Variants in DNAJC1 observed in about 807,000 individuals in gnomAD.
DNAJC1 encodes DnaJ heat shock protein family (Hsp40) member C1.
Under a neutral mutation model 76.6 loss-of-function variants are expected in DNAJC1, and 58 were observed. The observed-to-expected ratio is 0.76, with a 90% CI of 0.61 to 0.94. DNAJC1 has a LOEUF of 0.94. Among genes scored for constraint, DNAJC1 ranks in the 40% least tolerant of loss-of-function variants. DNAJC1 has a pLI of 0.00. For synonymous variants in DNAJC1, 258 were observed against 267.9 expected, an observed-to-expected ratio of 0.96 and a Z score of 0.36; for missense variants, 689 against 677.3, an observed-to-expected ratio of 1.02 and a Z score of -0.19.
intron 1 of DNAJC1, among the ~76,000 whole-genome samples, chr10:21,951,988 G>T (rs1837604488): frequency 6.6e-6 from 1 of 152,182 alleles, no homozygotes; most frequent in Non-Finnish European, 1.5e-5. Context: ...TGTTACTACT[G>T]AGGTGATTAG....
chr10:21,873,478 GA>G (rs1184700026), intron 8 of DNAJC1, among the ~76,000 whole-genome samples: 3 of 151,726 alleles, frequency 2.0e-5, no homozygotes, highest in African/African-American at 4.8e-5. Context: ...CAAAAGTGGT[GA>G]AAAAAAATTC....
At chr10:21,910,950 A>G in intron 6 of DNAJC1, among the ~76,000 whole-genome samples, 1 of 148,082 alleles carries the variant, frequency 6.8e-6, no homozygotes, top group African/African-American at 2.5e-5. Context: ...AGAGACAAAG[A>G]AGAGAGAGAG....
chr10:21,777,824 T>C (rs1318447663), intron 9 of DNAJC1, among the ~76,000 whole-genome samples: 2 of 152,238 alleles, frequency 1.3e-5, no homozygotes, highest in African/African-American at 4.8e-5. Flanking sequence ...TACAATTGCA[T>C]AATGGTTCAC....
chr10:21,857,003 T>A (rs1835845692), intron 8 of DNAJC1, among the ~76,000 whole-genome samples: 1 of 152,142 alleles, frequency 6.6e-6, no homozygotes, highest in African/African-American at 2.4e-5. Context: ...CCCAAAGTGC[T>A]AGGATTACAG....
chr10:21,848,536 A>C (rs916511323), intron 8 of DNAJC1, among the ~76,000 whole-genome samples: 2 of 152,154 alleles, frequency 1.3e-5, no homozygotes, highest in African/African-American at 2.4e-5. Flanking sequence ...GTCCTGAAGT[A>C]TTTCCCCAAT....
At chr10:21,798,016 C>A (rs1053049060) in intron 9 of DNAJC1, among the ~76,000 whole-genome samples, 1 of 152,164 alleles carries the variant, frequency 6.6e-6, no homozygotes, top group Non-Finnish European at 1.5e-5. Flanking sequence ...CAAGGTCATG[C>A]ATGTACATAG....
At chr10:21,810,579 T>C (rs1013003530) in intron 8 of DNAJC1, among the ~76,000 whole-genome samples, 10 of 152,172 alleles carry the variant, frequency 6.6e-5, no homozygotes, top group African/African-American at 1.9e-4. Context: ...CACTAACAAA[T>C]TGCCTTTTTA....
intron 9 of DNAJC1, among the ~76,000 whole-genome samples, chr10:21,793,254 T>C (rs935697599): frequency 2.0e-4 from 30 of 152,134 alleles, no homozygotes; most frequent in African/African-American, 6.8e-4. Context: ...TGCAGTGAGC[T>C]GAGATTGTGC....
At chr10:21,860,269 T>C (rs1269761060) in intron 8 of DNAJC1, among the ~76,000 whole-genome samples, 1 of 152,044 alleles carries the variant, frequency 6.6e-6, no homozygotes, top group Non-Finnish European at 1.5e-5. Context: ...TTTGAGTTTA[T>C]AAAATGTTTT....
At chr10:21,914,432 G>T (rs925858613) in intron 6 of DNAJC1, among the ~76,000 whole-genome samples, 6 of 152,096 alleles carry the variant, frequency 3.9e-5, no homozygotes, top group Admixed American at 6.6e-5. Flanking sequence ...TTTATTTTCT[G>T]CTGATTTCAC....
chr10:21,841,800 A>G (rs34392809), intron 8 of DNAJC1, among the ~76,000 whole-genome samples: 1 of 152,150 alleles, frequency 6.6e-6, no homozygotes, highest in Non-Finnish European at 1.5e-5. Context: ...AGACACACGT[A>G]TGTTTATAGC....
chr10:21,993,593 A>G (rs1272126207), intron 1 of DNAJC1, among the ~76,000 whole-genome samples: 1 of 152,186 alleles, frequency 6.6e-6, no homozygotes, highest in Non-Finnish European at 1.5e-5. Context: ...GAAGGCCACA[A>G]GATGGAGATA....
intron 9 of DNAJC1, among the ~76,000 whole-genome samples, chr10:21,793,204 G>A (rs1052261657): frequency 2.0e-5 from 3 of 152,112 alleles, no homozygotes; most frequent in African/African-American, 7.2e-5. Context: ...TACTTGGGAA[G>A]CTGAGGCAGG....
rs974139328 is a variant in DNAJC1 at position 21,931,208 on chromosome 10, G to T, written c.223-2067C>A. Among the ~76,000 whole-genome samples the T allele has an allele frequency of 2.6e-5, 4 of 151,928 alleles. No individual in the cohort carries two copies. The East Asian group carries it at 7.7e-4, about 29-fold the overall frequency. On this transcript the variant is annotated intron_variant, in intron 1 of 11. Coordinates refer to ENST00000376980, the MANE Select transcript of DNAJC1 (RefSeq NM_022365.4). ...CCCACCCTCTTGGCTCATCCTCCTG[G>T]TCCCCCAGATTATTACACCTTAGGA...
chr10:21,976,346 T>G (rs867387887), intron 1 of DNAJC1, among the ~76,000 whole-genome samples: 1 of 152,198 alleles, frequency 6.6e-6, no homozygotes, highest in Non-Finnish European at 1.5e-5. Context: ...TTTGATTCTA[T>G]GAGGTAGGGC....
intron 8 of DNAJC1, among the ~76,000 whole-genome samples, chr10:21,846,565 G>C (rs1358964376): frequency 6.6e-6 from 1 of 152,146 alleles, no homozygotes; most frequent in Non-Finnish European, 1.5e-5. Context: ...GTACCAAGTA[G>C]AGCCTCTACC....
chr10:21,757,733 G>A (rs780318095), intron 11 of DNAJC1, among the ~76,000 whole-genome samples: 3 of 152,214 alleles, frequency 2.0e-5, no homozygotes. Flanking sequence ...GGAGCTCTGA[G>A]CTGAGCCGTG....
chr10:21,999,670 G>C (rs1012183150), intron 1 of DNAJC1, among the ~76,000 whole-genome samples: 1 of 151,866 alleles, frequency 6.6e-6, no homozygotes, highest in African/African-American at 2.4e-5. Context: ...GGCCAGGCTG[G>C]TCTTGAACTC....
intron 8 of DNAJC1, among the ~76,000 whole-genome samples, chr10:21,874,697 T>C (rs949354766): frequency 6.6e-6 from 1 of 152,216 alleles, no homozygotes; most frequent in African/African-American, 2.4e-5. Context: ...GAAAATGTTC[T>C]AGCATCAGAG....
Sources: gnomAD v4.1 joint callset for allele counts (sites outside exome capture counted in the v4.1 genomes callset) on GRCh38, gnomAD v4.1.1 for gene constraint, MANE v1.5 for transcripts, NCBI Gene and HGNC (gene_info 2026-07-23, HGNC 2026-07-21) for gene names.